The following U2SURP variants were observed in gnomAD, a reference collection of about 807,000 sequenced individuals.
U2SURP encodes the protein U2 snRNP-associated SURP motif-containing protein.
In U2SURP, 9 loss-of-function variants were observed where a neutral mutation model predicts 144.9. The observed-to-expected ratio is 0.06, with a 90% CI of 0.04 to 0.11. The LOEUF (loss-of-function observed/expected upper bound fraction) is 0.11. Ranked by LOEUF, U2SURP falls within the 10% of genes least tolerant of loss-of-function variation. The probability of loss-of-function intolerance (pLI) is 1.00; values close to 1 mark genes in which losing one functional copy is unlikely to be tolerated. For missense variants in U2SURP, 724 were observed against 1,226.7 expected, an observed-to-expected ratio of 0.59 and a Z score of 6.12; for synonymous variants, 408 against 396.8, an observed-to-expected ratio of 1.03 and a Z score of -0.33.
At chr3:143,018,945 A>G (rs1936508190) in intron 6 of U2SURP, among the ~76,000 whole-genome samples, 1 of 152,084 alleles carries the variant, frequency 6.6e-6, no homozygotes, top group African/African-American at 2.4e-5. Context: ...CAAACAAACA[A>G]ACAAAACTAT....
At chr3:143,007,723 G>A (rs1038807766) in intron 1 of U2SURP, among the ~76,000 whole-genome samples, 1 of 152,224 alleles carries the variant, frequency 6.6e-6, no homozygotes, top group South Asian at 2.1e-4. Context: ...GATTACAGGC[G>A]TGAGCCACCG....
chr3:143,049,530 A>G (rs1181295697), intron 24 of U2SURP, among the ~76,000 whole-genome samples: 1 of 152,178 alleles, frequency 6.6e-6, no homozygotes, highest in Non-Finnish European at 1.5e-5. Flanking sequence ...TATTGAGCAG[A>G]TTGGCAGCCC....
intron 16 of U2SURP, among the ~76,000 whole-genome samples, chr3:143,029,953 C>T (rs1933383868): frequency 6.6e-6 from 1 of 152,188 alleles, no homozygotes; most frequent in Admixed American, 6.5e-5. Context: ...GGCCCACTCT[C>T]TTCAATTCTG....
intron 3 of U2SURP, among the ~76,000 whole-genome samples, chr3:143,013,919 T>A (rs181679557): frequency 1.4e-3 from 214 of 152,182 alleles, no homozygotes; most frequent in African/African-American, 5.0e-3. Flanking sequence ...CCCAGGACCA[T>A]GGAAATGTTT....
chr3:143,024,168 C>G (rs1578133520), intron 13 of U2SURP, 150 bp downstream of exon 13: 3 of 695,130 alleles, frequency 4.3e-6, no homozygotes, highest in Non-Finnish European at 7.4e-6. Flanking sequence ...TGAAATTTAA[C>G]TAACTTTTGT....
At chr3:143,011,918 A>G (rs909875719) in intron 2 of U2SURP, 1 of 504,436 alleles carries the variant, frequency 2.0e-6, no homozygotes, top group Admixed American at 2.3e-5. Flanking sequence ...CAGGCAAACT[A>G]TGGTGAATCA....
chr3:143,032,257 C>G (rs1228705241), intron 16 of U2SURP, among the ~76,000 whole-genome samples: 1 of 151,982 alleles, frequency 6.6e-6, no homozygotes, highest in Non-Finnish European at 1.5e-5. Flanking sequence ...ATTTTTAGTA[C>G]AGACAGGGTT....
chr3:143,040,935 CACGTTTTTCATTCAATGTCATTGGT>C (rs1934068965), intron 23 of U2SURP, among the ~76,000 whole-genome samples: 1 of 151,752 alleles, frequency 6.6e-6, no homozygotes, highest in Admixed American at 6.6e-5. Flanking sequence ...TATTCTGTGA[CACGTTTTTCATTCAATGTCATTGGT>C]ATTATGCCAT....
At chr3:143,054,252 C>T (rs2108321177) in intron 26 of U2SURP, among the ~76,000 whole-genome samples, 1 of 152,298 alleles carries the variant, frequency 6.6e-6, no homozygotes, top group East Asian at 1.9e-4. Flanking sequence ...AAGCATTTCT[C>T]TTTCAGTTTT....
intron 5 of U2SURP, 59 bp from the exon 6 acceptor site, chr3:143,016,783 A>G (rs1936390041): frequency 1.4e-6 from 2 of 1,401,288 alleles, no homozygotes; most frequent in Admixed American, 2.9e-5. Flanking sequence ...GTTTTTAAAT[A>G]AAACAGTAAA....
At position 143,051,267 on chromosome 3, in the gene U2SURP, A is replaced by G. The variant is rs113818269; in HGVS notation, c.2655+218A>G. ...AGCACACTATTTTATTCTGAGTATT[A>G]CCTGTGGACAAGAAGATTAATTCTG... On this transcript the variant is annotated intron_variant, in intron 25 of 27. Coordinates refer to ENST00000473835, the MANE Select transcript of U2SURP (RefSeq NM_001080415.2). Among the ~76,000 whole-genome samples the G allele has an allele frequency of 9.2e-3, 1,402 of 152,326 alleles. 13 individuals are homozygous for G. The highest frequency in any genetic ancestry group is 0.048 in the Middle Eastern group (14 of 294).
At chr3:143,024,343 C>T (rs1314035591) in intron 13 of U2SURP, 3 of 370,184 alleles carry the variant, frequency 8.1e-6, no homozygotes, top group African/African-American at 6.3e-5. Context: ...TCGTAAATTT[C>T]AGATAACGTT....
intron 1 of U2SURP, among the ~76,000 whole-genome samples, chr3:143,004,841 TTATCACTAGTC>T (rs1935753401): frequency 1.3e-5 from 2 of 152,130 alleles, no homozygotes; most frequent in African/African-American, 4.8e-5. Context: ...ATTTGTTTGT[TTATCACTAGTC>T]TAAAATATTG....
At chr3:143,049,702 T>C (rs936380396) in intron 24 of U2SURP, among the ~76,000 whole-genome samples, 2 of 152,194 alleles carry the variant, frequency 1.3e-5, no homozygotes, top group African/African-American at 4.8e-5. Flanking sequence ...TTAGGATAGT[T>C]TTTATTTTAA....
intron 6 of U2SURP, 121 bp downstream of exon 6, chr3:143,017,096 A>AAAAAGTGTTAAGT: frequency 3.4e-6 from 3 of 885,290 alleles, no homozygotes; most frequent in Non-Finnish European, 4.8e-6. Context: ...GGTAGATGTT[A>AAAAAGTGTTAAGT]AGTTTTGATG....
rs746804665 is a variant in U2SURP at position 143,012,238 on chromosome 3, C to T, written c.107C>T (p.Pro36Leu). The T allele has an allele frequency of 1.2e-5, 20 of 1,612,322 alleles. No individual in the cohort carries two copies. Among genetic ancestry groups the T allele is most frequent in the East Asian group, 4.5e-5 (2 of 44,832 alleles). Residue 36 changes from proline to leucine, a missense_variant, in exon 3 of 28, where the codon CCC becomes CTC. By Grantham distance (98) the Pro-to-Leu change is moderately conservative. Around this residue, in one of 13 missense-constraint regions of U2SURP, gnomAD observed 127 missense variants for 98.2 expected, o/e 1.29. Transcript: ENST00000473835. ...TTCCTGAAGATGGATGCATCTGGACCCTCAGATAGTGATATGCCAAGTCGG... is the reference window on the plus strand; with the variant it reads ...TTCCTGAAGATGGATGCATCTGGACTCTCAGATAGTGATATGCCAAGTCGG... ...SSDAHMDASG[P>L]SDSDMPSRTR...
At chr3:143,049,620 C>T (rs1330427229) in intron 24 of U2SURP, among the ~76,000 whole-genome samples, 1 of 152,110 alleles carries the variant, frequency 6.6e-6, no homozygotes, top group South Asian at 2.1e-4. Flanking sequence ...CTTATTTGTC[C>T]TCCCGTAGAA....
chr3:143,039,948 A>G (rs761825926), intron 23 of U2SURP, among the ~76,000 whole-genome samples: 1 of 151,912 alleles, frequency 6.6e-6, no homozygotes, highest in East Asian at 1.9e-4. Context: ...GTGGCTTGCT[A>G]ATGGAAATAC....
chr3:143,051,438 C>A (rs1394195299), intron 25 of U2SURP, among the ~76,000 whole-genome samples: 1 of 151,846 alleles, frequency 6.6e-6, no homozygotes, highest in Non-Finnish European at 1.5e-5. Flanking sequence ...AGTTTATTTT[C>A]ATTTCTCATG....
Sources: allele counts gnomAD v4.1 joint callset (sites outside exome capture counted in the v4.1 genomes callset), GRCh38; gene constraint gnomAD v4.1.1; regional missense constraint gnomAD v4.1.1; transcripts MANE v1.5; gene names NCBI Gene and HGNC (gene_info 2026-07-23, HGNC 2026-07-21).